The following OTX1 variants were observed in gnomAD, a reference collection of about 807,000 sequenced individuals.
The protein encoded by OTX1 is homeobox protein OTX1.
Under a neutral mutation model 26.7 loss-of-function variants are expected in OTX1, and 7 were observed. The ratio of observed to expected loss-of-function variants is 0.26; its 90% CI spans 0.15 to 0.49. The LOEUF is 0.49. Among genes scored for constraint, OTX1 ranks in the 20% least tolerant of loss-of-function variants. The pLI, the probability that OTX1 is intolerant of heterozygous loss-of-function variation, is 0.98. For synonymous variants in OTX1, 216 were observed against 212.8 expected (o/e 1.01, Z -0.13); for missense variants, 414 against 483.8 (o/e 0.86, Z 1.35).
At chr2:63,052,748 G>T in intron 2 of OTX1, 132 bp from the exon 3 acceptor site, 1 of 498,804 alleles carries the variant, frequency 2.0e-6, no homozygotes, top group East Asian at 3.8e-5. Context: ...TGGTTTCTGG[G>T]CTAAGGCCTT....
chr2:63,055,226 G>A lies in OTX1; in HGVS notation c.250-275G>A, dbSNP rs897900517. 1.3e-5 allele frequency among the ~76,000 whole-genome samples: 2 copies of A among 152,212 alleles called. No homozygotes were observed. The highest frequency in any genetic ancestry group is 4.8e-5 in the African/African-American group (2 of 41,452). On this transcript the variant is annotated intron_variant, in intron 4 of 4. Coordinates refer to ENST00000282549, the MANE Select transcript of OTX1 (RefSeq NM_014562.4). The surrounding 1 kb of genome is among the most constrained non-coding windows in gnomAD (Gnocchi z 5.2). ...CTGACTGGGCAGACTGAAATATTCC[G>A]CCCTAGGGCAGAGTTGCGGTAGGGG...
rs940946573 is a variant in OTX1, at chr2:63,054,299, G to C, written c.249+101G>C. The C allele has an allele frequency of 9.0e-6, 11 of 1,223,512 alleles. No homozygotes were observed. The African/African-American group carries it at 1.4e-4, about 16-fold the overall frequency. 75.8% of individuals were successfully genotyped at this position (1,223,512 alleles called of 1,614,324 possible). The stretch of plus-strand genomic sequence containing the variant: ...GTAGTTCTTGAGGAGACCATCCTGT[G>C]GGGGTGGGCTTACAGACTGGGCAGC... On this transcript the variant is annotated intron_variant, in intron 4 of 4. Transcript: ENST00000282549.
intron 4 of OTX1, 26 bp downstream of exon 4, chr2:63,054,224 C>T: frequency 6.4e-7 from 1 of 1,564,500 alleles, no homozygotes; most frequent in Non-Finnish European, 8.7e-7. Context: ...GCTCCAGGGT[C>T]TGGGTAGGGG....
At chr2:63,050,309 G>A (rs1205348204), upstream of OTX1, among the ~76,000 whole-genome samples, 2 of 152,174 alleles carry the variant, frequency 1.3e-5, no homozygotes, top group Non-Finnish European at 2.9e-5. Flanking sequence ...TGGCGGCGCC[G>A]GGGAAGAAAA....
At chr2:63,054,280 C>A in intron 4 of OTX1, 82 bp downstream of exon 4, 2 of 1,352,638 alleles carry the variant, frequency 1.5e-6, no homozygotes, top group Admixed American at 2.6e-5. Context: ...TTGAGTAGTT[C>A]TTGAGGAGAC....
chr2:63,050,231 C>CGGA (rs1559118056), upstream of OTX1: 1 of 152,150 alleles, frequency 6.6e-6, no homozygotes, highest in Non-Finnish European at 1.5e-5. Context: ...TCTGCACGCC[C>CGGA]GGAGCTGCTC....
chr2:63,054,397 C>A (rs932990367), intron 4 of OTX1, among the ~76,000 whole-genome samples, 199 bp downstream of exon 4: 1 of 152,260 alleles, frequency 6.6e-6, no homozygotes, highest in Non-Finnish European at 1.5e-5. Flanking sequence ...TGGCTTAGAG[C>A]CCTGGATTCC....
In OTX1 at chr2:63,055,578, G is replaced by A. The variant is rs1040801684; in HGVS notation, c.327G>A (p.Lys109=). 1.1e-5 allele frequency: 17 copies of A among 1,613,556 alleles called. No individual in the cohort carries two copies. In the African/African-American group the frequency reaches 1.9e-4, roughly 18 times the overall value. Reference sequence around the variant, plus strand: ...GCGGAACCAAGAGCCGCCCAGCCAAGAAGAAGTCCTCTCCAGTGCGGGAGA... The same window carrying A: ...GCGGAACCAAGAGCCGCCCAGCCAAAAAGAAGTCCTCTCCAGTGCGGGAGA... ...SGSGTKSRPA[K]KKSSPVRESS... is the part of the protein sequence containing the mutation. Residue 109 remains lysine, a synonymous_variant, in exon 5 of 5, where the codon AAG becomes AAA. Coordinates refer to ENST00000282549, the MANE Select transcript of OTX1 (RefSeq NM_014562.4). The surrounding 1 kb of genome is among the most constrained non-coding windows in gnomAD (Gnocchi z 5.2).
At position 63,057,323 on chromosome 2, in the gene OTX1, C is replaced by T. The variant is rs1336536209; in HGVS notation, c.*1007C>T. On this transcript the variant is annotated 3_prime_UTR_variant, in exon 5 of 5. Transcript: ENST00000282549. ...TTTATTGAAGAGAACCGCTTGGTTT[C>T]AGGAAGCTGGGCGCGGGATATCCGA... The T allele has an allele frequency of 6.6e-6, 1 of 152,260 alleles. No individual in the cohort carries two copies. Among genetic ancestry groups the T allele is most frequent in the African/African-American group, 2.4e-5 (1 of 41,512 alleles). 9.4% of individuals were successfully genotyped at this position (152,260 alleles called of 1,614,324 possible). A position where few individuals can be genotyped will look rare whatever the true frequency, so the allele number is the denominator to read the frequency against.
At chr2:63,054,893 G>T (rs939674141) in intron 4 of OTX1, among the ~76,000 whole-genome samples, 2 of 152,162 alleles carry the variant, frequency 1.3e-5, no homozygotes, top group Admixed American at 1.3e-4. Flanking sequence ...TCCCCACCTG[G>T]AGCCAAAGGG....
At position 63,056,619 on chromosome 2, in the gene OTX1, C is replaced by G; in HGVS notation, c.*303C>G. The G allele has an allele frequency of 2.3e-6, 1 of 430,080 alleles. No individual in the cohort carries two copies. Among genetic ancestry groups the G allele is most frequent in the Non-Finnish European group, 4.2e-6 (1 of 236,666 alleles). 26.6% of individuals were successfully genotyped at this position (430,080 alleles called of 1,614,324 possible). ...CCCCTACTAAACTCTTAAGCCTCCCCTTCCAGTCTTTCTGGACAGCTATTA... is the reference window on the plus strand; with the variant it reads ...CCCCTACTAAACTCTTAAGCCTCCCGTTCCAGTCTTTCTGGACAGCTATTA... On this transcript the variant is annotated 3_prime_UTR_variant, in exon 5 of 5. Transcript: ENST00000282549.
chr2:63,053,122 C>T, intron 3 of OTX1, 35 bp downstream of exon 3: 2 of 1,419,644 alleles, frequency 1.4e-6, no homozygotes, highest in Non-Finnish European at 9.5e-7. Flanking sequence ...GCCTCAGCCT[C>T]TCAAATGTTG....
At position 63,056,263 on chromosome 2, in the gene OTX1, C is replaced by T. The variant is rs750313774; in HGVS notation, c.1012C>T (p.Pro338Ser). Residue 338 changes from proline to serine, a missense_variant, in exon 5 of 5, where the codon CCC (proline) becomes TCC (serine). This residue lies in a region of OTX1 where 320 missense variants were observed against 347.9 expected (regional missense o/e 0.92). Coordinates refer to ENST00000282549, the MANE Select transcript of OTX1 (RefSeq NM_014562.4). ...CGCCTGGAAACTCAACTTCAACTCC[C>T]CCGACTGTCTGGACTATAAGGACCA... ...SSAWKLNFNS[P>S]DCLDYKDQAS... The T allele has an allele frequency of 1.9e-6, 3 of 1,614,136 alleles. No individual in the cohort carries two copies. The South Asian group carries it at 3.3e-5, about 18-fold the overall frequency.
At chr2:63,054,777 T>C (rs1310760810) in intron 4 of OTX1, among the ~76,000 whole-genome samples, 1 of 152,194 alleles carries the variant, frequency 6.6e-6, no homozygotes, top group East Asian at 1.9e-4. Context: ...AACTCAGAAC[T>C]CTCCTCAAGA....
At chr2:63,053,663 C>A in intron 3 of OTX1, 1 of 197,764 alleles carries the variant, frequency 5.1e-6, no homozygotes, top group Non-Finnish European at 1.0e-5. Context: ...TTTTTCAGGT[C>A]GTGTTTCTGC....
rs772828181 is a variant in OTX1, at chr2:63,056,351, C to G, written c.*35C>G. ...TGAAAGAGGAGAAGAAACGCAACTA[C>G]CTGCGCCCTCCGTGGTCCCGATCCT... On this transcript the variant is annotated 3_prime_UTR_variant, in exon 5 of 5. Coordinates refer to ENST00000282549, the MANE Select transcript of OTX1 (RefSeq NM_014562.4). 6.4e-7 allele frequency: 1 copy of G among 1,550,632 alleles called. No homozygotes were observed. Among genetic ancestry groups the G allele is most frequent in the African/African-American group, 1.4e-5 (1 of 73,470 alleles).
chr2:63,056,077 C>A lies in OTX1; in HGVS notation c.826C>A (p.His276Asn), dbSNP rs1295831967. Reference protein sequence around the residue: ...PMAPSSMAGHHHHHPHAHHPL... With the variant: ...PMAPSSMAGHNHHHPHAHHPL... ...GGCACCCTCCTCCATGGCGGGCCACCATCATCACCACCCACATGCGCACCA... is the reference window on the plus strand; with the variant it reads ...GGCACCCTCCTCCATGGCGGGCCACAATCATCACCACCCACATGCGCACCA... The change falls in exon 5 of 5, where the codon CAT (histidine) becomes AAT (asparagine). Residue 276 changes from histidine (H) to asparagine (N), a missense_variant. This residue lies in a region of OTX1 where 320 missense variants were observed against 347.9 expected (regional missense o/e 0.92). Coordinates refer to ENST00000282549, the MANE Select transcript of OTX1 (RefSeq NM_014562.4). 31 of 1,613,310 alleles carry A rather than the reference C, an allele frequency of 1.9e-5. No homozygotes were observed. Among genetic ancestry groups the A allele is most frequent in the Non-Finnish European group, 2.6e-5 (31 of 1,179,436 alleles).
At position 63,056,262 on chromosome 2, in the gene OTX1, C is replaced by T. The variant is rs1365988467; in HGVS notation, c.1011C>T (p.Ser337=). The T allele has an allele frequency of 6.2e-7, 1 of 1,614,116 alleles. No individual in the cohort carries two copies. ...CCGCCTGGAAACTCAACTTCAACTCCCCCGACTGTCTGGACTATAAGGACC... is the reference window on the plus strand; with the variant it reads ...CCGCCTGGAAACTCAACTTCAACTCTCCCGACTGTCTGGACTATAAGGACC... The part of the protein sequence containing the change: ...ASSAWKLNFN[S]PDCLDYKDQA... Residue 337 remains serine (S), a synonymous_variant, in exon 5 of 5, where the codon TCC becomes TCT. Coordinates refer to ENST00000282549, the MANE Select transcript of OTX1 (RefSeq NM_014562.4).
intron 3 of OTX1, 116 bp downstream of exon 3, chr2:63,053,203 C>T (rs2062038460): frequency 3.0e-6 from 2 of 655,794 alleles, no homozygotes; most frequent in Non-Finnish European, 5.1e-6. Flanking sequence ...GGCTGCAACA[C>T]AGGGCCCACT....
Sources: allele counts gnomAD v4.1 joint callset (sites outside exome capture counted in the v4.1 genomes callset), GRCh38; gene constraint gnomAD v4.1.1; regional missense constraint gnomAD v4.1.1; non-coding constraint Gnocchi (gnomAD v3.1); transcripts MANE v1.5; gene names NCBI Gene and HGNC (gene_info 2026-07-23, HGNC 2026-07-21).